Variants in ZNF608 observed in about 807,000 individuals in gnomAD.
ZNF608 encodes the protein renal carcinoma antigen NY-REN-36.
ZNF608 carries 12 observed loss-of-function variants against 109.0 expected under a neutral mutation model. That is an observed-to-expected ratio of 0.11 (90% CI 0.07 to 0.18). ZNF608 has a LOEUF of 0.18. Among genes scored for constraint, ZNF608 ranks in the 10% least tolerant of loss-of-function variants. The pLI, the probability that ZNF608 is intolerant of heterozygous loss-of-function variation, is 1.00. For synonymous variants in ZNF608, 732 were observed against 717.4 expected (o/e 1.02, Z -0.33); for missense variants, 1,707 against 1,879.3 (o/e 0.91, Z 1.70).
At chr5:124,748,315 C>CTAAG (rs1749711185), upstream of ZNF608, among the ~76,000 whole-genome samples, 3 of 152,308 alleles carry the variant, frequency 2.0e-5, no homozygotes, top group African/African-American at 4.8e-5. Context: ...CTAATTTCCT[C>CTAAG]TAAGTTACCC....
At chr5:124,640,399 CT>C (rs1750183318) in intron 8 of ZNF608, among the ~76,000 whole-genome samples, 1 of 152,158 alleles carries the variant, frequency 6.6e-6, no homozygotes, top group African/African-American at 2.4e-5. Context: ...GGGCTCCCCC[CT>C]GCCCCTTCCC....
In ZNF608 at chr5:124,648,242, T is replaced by C; in HGVS notation, c.2142A>G (p.Lys714=). The part of the protein sequence containing the change: ...GLIDKKNLGD[K]EKGKKATNCK... ...AGTTGGTAGCTTTTTTGCCCTTTTCTTTATCTCCTAAATTTTTCTTGTCAA... is the reference window on the plus strand; with the variant it reads ...AGTTGGTAGCTTTTTTGCCCTTTTCCTTATCTCCTAAATTTTTCTTGTCAA... The change falls in exon 5 of 10, where the codon AAA becomes AAG. Residue 714 remains lysine, a synonymous_variant. Transcript: ENST00000513986. The C allele has an allele frequency of 1.2e-6, 2 of 1,614,220 alleles. No individual in the cohort carries two copies. The highest frequency in any genetic ancestry group is 1.7e-6 in the Non-Finnish European group (2 of 1,180,050).
intron 2 of ZNF608, among the ~76,000 whole-genome samples, chr5:124,729,906 C>T (rs1748816069): frequency 6.6e-6 from 1 of 152,204 alleles, no homozygotes; most frequent in Non-Finnish European, 1.5e-5. Context: ...ACATCTACCA[C>T]AGCAAAACAC....
chr5:124,660,548 T>G (rs1482253492), intron 3 of ZNF608, among the ~76,000 whole-genome samples: 1 of 152,110 alleles, frequency 6.6e-6, no homozygotes, highest in South Asian at 2.1e-4. Flanking sequence ...GAATAAACAG[T>G]GGCCATCAAA....
chr5:124,741,052 C>T (rs1749373844), intron 2 of ZNF608, among the ~76,000 whole-genome samples: 1 of 152,140 alleles, frequency 6.6e-6, no homozygotes, highest in African/African-American at 2.4e-5. Flanking sequence ...AACCAAAAGC[C>T]AACCCATCAA....
At chr5:124,702,490 G>A (rs1753092241) in intron 2 of ZNF608, among the ~76,000 whole-genome samples, 1 of 124,576 alleles carries the variant, frequency 8.0e-6, no homozygotes, top group Admixed American at 8.7e-5. Context: ...TATAGTCTTT[G>A]TTGGGTTTTG....
upstream of ZNF608, among the ~76,000 whole-genome samples, chr5:124,747,171 T>TC (rs1269269068): frequency 1.9e-4 from 28 of 150,948 alleles, 1 homozygote; most frequent in African/African-American, 6.8e-4. Flanking sequence ...TTGTTTTCTT[T>TC]TTTTTTTTTT....
intron 2 of ZNF608, among the ~76,000 whole-genome samples, chr5:124,727,569 T>A (rs578177890): frequency 6.7e-6 from 1 of 148,900 alleles, no homozygotes; most frequent in African/African-American, 2.5e-5. Context: ...ATGGTATCAA[T>A]CCTCAAGATC....
chr5:124,648,152 G>T lies in ZNF608; in HGVS notation c.2232C>A (p.Pro744=), dbSNP rs746312487. Residue 744 remains proline, a synonymous_variant, in exon 5 of 10, where the codon CCC becomes CCA. Transcript: ENST00000513986. ...SARPIAPAPA[P]TPPQLIAIPT... is the part of the protein sequence containing the mutation. ...GTATAGCGATTAGCTGCGGGGGAGT[G>T]GGGGCTGGGGCAGGGGCAATGGGCC... is the stretch of plus-strand genomic sequence containing the variant. The T allele has an allele frequency of 6.2e-7, 1 of 1,613,408 alleles. No homozygotes were observed. Among genetic ancestry groups the T allele is most frequent in the African/African-American group, 1.3e-5 (1 of 74,910 alleles).
chr5:124,741,583 A>C (rs1179493044), intron 2 of ZNF608, among the ~76,000 whole-genome samples: 1 of 152,158 alleles, frequency 6.6e-6, no homozygotes, highest in East Asian at 1.9e-4. Flanking sequence ...ATAAAATGTC[A>C]AAAAACCTCA....
intron 3 of ZNF608, among the ~76,000 whole-genome samples, chr5:124,660,210 G>A (rs1751194075): frequency 6.6e-6 from 1 of 152,142 alleles, no homozygotes; most frequent in South Asian, 2.1e-4. Context: ...GAGAATGGGA[G>A]AGATCTGCAT....
chr5:124,662,679 T>C (rs925021091), intron 3 of ZNF608, among the ~76,000 whole-genome samples: 1 of 152,240 alleles, frequency 6.6e-6, no homozygotes, highest in Non-Finnish European at 1.5e-5. Context: ...TTCCAGAAAG[T>C]AATGCACTGT....
In ZNF608 at chr5:124,643,066, A is replaced by G. The variant is rs141963568; in HGVS notation, c.4296+445T>C. Among the ~76,000 whole-genome samples the G allele has an allele frequency of 1.4e-4, 22 of 152,336 alleles. No homozygotes were observed. In the East Asian group the frequency reaches 3.7e-3, roughly 25 times the overall value. On this transcript the variant is annotated intron_variant, in intron 7 of 9. Transcript: ENST00000513986. ...GTAAAATGTCTGATTTTTAAAAGGT[A>G]TCCTGCAAGAAAACATTTTTTGAAA...
At chr5:124,640,097 C>T (rs1381237604) in intron 8 of ZNF608, among the ~76,000 whole-genome samples, 1 of 152,074 alleles carries the variant, frequency 6.6e-6, no homozygotes, top group East Asian at 1.9e-4. Context: ...ATGACATCAA[C>T]TAAAAAGACC....
chr5:124,700,859 C>T (rs184733588), intron 3 of ZNF608, among the ~76,000 whole-genome samples, 155 bp downstream of exon 3: 5 of 152,280 alleles, frequency 3.3e-5, no homozygotes, highest in Admixed American at 6.5e-5. Flanking sequence ...AAGACAAACA[C>T]GGCTCTTACT....
rs752404539 is a variant in ZNF608, at chr5:124,744,806, A to G, written c.184T>C (p.Ser62Pro). 6.2e-6 allele frequency: 10 copies of G among 1,614,172 alleles called. No homozygotes were observed. The South Asian group carries it at 1.1e-4, about 18-fold the overall frequency. The change falls in exon 2 of 10, where the codon TCC (serine) becomes CCC (proline). Residue 62 changes from serine to proline, a missense_variant. Around this residue, in one of 7 missense-constraint regions of ZNF608, gnomAD observed 407 missense variants for 398.7 expected, o/e 1.02. Transcript: ENST00000513986. This position sits in a 1 kb window ranked among gnomAD's most constrained non-coding sequence, Gnocchi z 4.5. Reference protein sequence around the residue: ...NSTTTTSSSNSKDCGGPASSG... With the variant: ...NSTTTTSSSNPKDCGGPASSG... ...GAGGCCGGACCTCCACAATCCTTGGAGTTGCTGCTACTAGTGGTGGTGGTG... is the reference window on the plus strand; with the variant it reads ...GAGGCCGGACCTCCACAATCCTTGGGGTTGCTGCTACTAGTGGTGGTGGTG...
rs568343563 is a variant in ZNF608, at chr5:124,738,801, G to GA, written c.906+5282dup. 3.3e-5 allele frequency among the ~76,000 whole-genome samples: 5 copies of GA among 152,250 alleles called. No homozygotes were observed. The East Asian group carries it at 7.7e-4, about 24-fold the overall frequency. On this transcript the variant is annotated intron_variant, in intron 2 of 9. Transcript: ENST00000513986. ...AGTAGAGGGATGGCTGAGCAATGCT[G>GA]AAAGACAAAGAAGGATCTCAACTGA...
intron 2 of ZNF608, 61 bp from the exon 3 acceptor site, chr5:124,701,330 T>C: frequency 6.3e-7 from 1 of 1,580,704 alleles, no homozygotes; most frequent in South Asian, 1.2e-5. Context: ...TTTAATGCAA[T>C]TTGCTTATAT....
At chr5:124,700,929 C>T (rs1301681958) in intron 3 of ZNF608, 85 bp downstream of exon 3, 5 of 1,552,322 alleles carry the variant, frequency 3.2e-6, no homozygotes, top group Non-Finnish European at 4.4e-6. Flanking sequence ...CTGAATACCG[C>T]AAAACAAATT....
Sources: allele counts gnomAD v4.1 joint callset (sites outside exome capture counted in the v4.1 genomes callset), GRCh38; gene constraint gnomAD v4.1.1; regional missense constraint gnomAD v4.1.1; non-coding constraint Gnocchi (gnomAD v3.1); transcripts MANE v1.5; gene names NCBI Gene and HGNC (gene_info 2026-07-23, HGNC 2026-07-21).